AGPAT3: variants seen among roughly 807,000 people sequenced by gnomAD.
AGPAT3 encodes 1-acyl-sn-glycerol-3-phosphate acyltransferase gamma.
A neutral mutation model predicts 47.3 loss-of-function variants in AGPAT3; 5 were observed. The ratio of observed to expected loss-of-function variants is 0.11; its 90% CI spans 0.06 to 0.22. The LOEUF (loss-of-function observed/expected upper bound fraction) is 0.22. Ranked by LOEUF, AGPAT3 falls within the 10% of genes least tolerant of loss-of-function variation. The pLI is 1.00. For missense variants in AGPAT3, 315 were observed against 493.0 expected (o/e 0.64, Z 3.42); for synonymous variants, 212 against 208.3 (o/e 1.02, Z -0.15).
chr21:43,978,239 G>A, intron 8 of AGPAT3, 118 bp downstream of exon 8: 1 of 667,838 alleles, frequency 1.5e-6, no homozygotes. Flanking sequence ...TGCCACCCAG[G>A]TCCTAAATAC....
chr21:43,869,986 G>A (rs991254436), intron 1 of AGPAT3, among the ~76,000 whole-genome samples: 2 of 152,250 alleles, frequency 1.3e-5, no homozygotes, highest in African/African-American at 2.4e-5. Flanking sequence ...GACTACAGGT[G>A]CTGCCACCAC....
intron 2 of AGPAT3, among the ~76,000 whole-genome samples, chr21:43,956,834 C>T (rs1434441931): frequency 6.6e-6 from 1 of 152,210 alleles, no homozygotes; most frequent in Non-Finnish European, 1.5e-5. Flanking sequence ...GTGATGTGGC[C>T]ATCCTGGGAG....
chr21:43,902,503 C>T (rs1296247308), intron 1 of AGPAT3, among the ~76,000 whole-genome samples: 9 of 152,188 alleles, frequency 5.9e-5, no homozygotes, highest in African/African-American at 1.7e-4. Flanking sequence ...GCTGGAAGTC[C>T]GAGCTCAAGG....
rs1426045410 is a variant in AGPAT3 at position 43,985,396 on chromosome 21, G to T, written c.*3004G>T. On this transcript the variant is annotated 3_prime_UTR_variant, in exon 10 of 10. Transcript: ENST00000291572. ...AACAATGTAAGCAGCACTTTCTTGT[G>T]TAAAAAAAAAAAAAAAGCACGTCCT... 17 of 266,768 alleles carry T rather than the reference G, an allele frequency of 6.4e-5. No homozygotes were observed. Among genetic ancestry groups the T allele is most frequent in the South Asian group, 1.3e-4 (4 of 29,962 alleles). 16.5% of individuals were successfully genotyped at this position (266,768 alleles called of 1,614,324 possible). A position where few individuals can be genotyped will look rare whatever the true frequency, so the allele number is the denominator to read the frequency against.
intron 2 of AGPAT3, among the ~76,000 whole-genome samples, chr21:43,959,258 G>GTGTGTGTGGCA (rs1056877208): frequency 7.4e-6 from 1 of 134,848 alleles, no homozygotes; most frequent in South Asian, 2.4e-4. Flanking sequence ...GTGGTTTGCG[G>GTGTGTGTGGCA]TGTGTGTGGC....
At chr21:43,905,976 C>G (rs886476544) in intron 2 of AGPAT3, among the ~76,000 whole-genome samples, 2 of 152,186 alleles carry the variant, frequency 1.3e-5, no homozygotes, top group Admixed American at 1.3e-4. Context: ...AGAAACCGGC[C>G]AAGGCGCGTC....
intron 1 of AGPAT3, among the ~76,000 whole-genome samples, chr21:43,895,131 G>A (rs2086185897): frequency 6.6e-6 from 1 of 150,976 alleles, no homozygotes; most frequent in African/African-American, 2.4e-5. Flanking sequence ...TTGAGACAGA[G>A]TCTTGCTCTG....
intron 8 of AGPAT3, among the ~76,000 whole-genome samples, chr21:43,978,643 C>T (rs1357163807): frequency 6.6e-6 from 1 of 152,180 alleles, no homozygotes; most frequent in Non-Finnish European, 1.5e-5. Context: ...TAACAAACTA[C>T]AGACAAGTAT....
At chr21:43,912,072 G>C (rs1029455569) in intron 2 of AGPAT3, among the ~76,000 whole-genome samples, 7 of 152,262 alleles carry the variant, frequency 4.6e-5, no homozygotes, top group African/African-American at 1.4e-4. Context: ...GGAGCCTAGA[G>C]GTATCTTAGT....
chr21:43,870,836 G>C (rs887481985), intron 1 of AGPAT3, among the ~76,000 whole-genome samples: 1 of 152,194 alleles, frequency 6.6e-6, no homozygotes, highest in Non-Finnish European at 1.5e-5. Flanking sequence ...GGTCCAGCTA[G>C]GAAGGTAAGT....
rs2087317604 is a variant in AGPAT3 at position 43,933,218 on chromosome 21, A to G, written c.-48-26416A>G. Among the ~76,000 whole-genome samples, 1 of 152,110 alleles carries G rather than the reference A, an allele frequency of 6.6e-6. No homozygotes were observed. The highest frequency in any genetic ancestry group is 2.1e-4 in the South Asian group (1 of 4,824). On this transcript the variant is annotated intron_variant, in intron 2 of 9. Coordinates refer to ENST00000291572, the MANE Select transcript of AGPAT3 (RefSeq NM_020132.5). This position sits in a 1 kb window ranked among gnomAD's most constrained non-coding sequence, Gnocchi z 6.0. The stretch of plus-strand genomic sequence containing the variant: ...CTGTCGGTGTGGCTCCTTCTGAGGC[A>G]CAGCCGTTCGGGTCCTTTGCTGTTT...
intron 2 of AGPAT3, among the ~76,000 whole-genome samples, chr21:43,935,948 G>A (rs901978060): frequency 1.1e-4 from 17 of 152,188 alleles, no homozygotes; most frequent in African/African-American, 3.9e-4. Context: ...CCCTGATGGC[G>A]GCTCGAGTCG....
intron 2 of AGPAT3, among the ~76,000 whole-genome samples, chr21:43,927,480 G>A (rs2087095988): frequency 6.6e-6 from 1 of 152,170 alleles, no homozygotes; most frequent in South Asian, 2.1e-4. Flanking sequence ...AGTCCATTGA[G>A]ACCTGATTTT....
At chr21:43,897,212 G>A (rs1350770149) in intron 1 of AGPAT3, among the ~76,000 whole-genome samples, 9 of 151,800 alleles carry the variant, frequency 5.9e-5, no homozygotes, top group Admixed American at 5.9e-4. Context: ...ATCTTGCACC[G>A]CCCTTAATCC....
At chr21:43,899,425 A>G (rs1308736403) in intron 1 of AGPAT3, among the ~76,000 whole-genome samples, 1 of 152,190 alleles carries the variant, frequency 6.6e-6, no homozygotes, top group Non-Finnish European at 1.5e-5. Context: ...AGAAAGGACG[A>G]CCACAGGAAG....
In AGPAT3 at chr21:43,952,871, A is replaced by G. The variant is rs1306583951; in HGVS notation, c.-48-6763A>G. On this transcript the variant is annotated intron_variant, in intron 2 of 9. Transcript: ENST00000291572. This position sits in a 1 kb window ranked among gnomAD's most constrained non-coding sequence, Gnocchi z 5.6. ...CCAGAGGTCCCACCCCTGAGGTCCCACCCTGTGTGGCTCTTCTATCCCAGG... is the reference window on the plus strand; with the variant it reads ...CCAGAGGTCCCACCCCTGAGGTCCCGCCCTGTGTGGCTCTTCTATCCCAGG... Among the ~76,000 whole-genome samples the G allele has an allele frequency of 2.0e-5, 3 of 151,736 alleles. No individual in the cohort carries two copies. The highest frequency in any genetic ancestry group is 7.3e-5 in the African/African-American group (3 of 41,286).
chr21:43,906,845 C>A (rs939238100), intron 2 of AGPAT3, among the ~76,000 whole-genome samples: 1 of 152,120 alleles, frequency 6.6e-6, no homozygotes. Flanking sequence ...TCCGCCTGGG[C>A]GAGCCGACAC....
chr21:43,971,840 G>A (rs942393076), intron 7 of AGPAT3, among the ~76,000 whole-genome samples: 3 of 152,356 alleles, frequency 2.0e-5, no homozygotes, highest in South Asian at 2.1e-4. Context: ...GGAAGCCCCT[G>A]TAGTTCCCTC....
intron 2 of AGPAT3, among the ~76,000 whole-genome samples, chr21:43,956,782 AG>A (rs889006554): frequency 1.3e-5 from 2 of 152,208 alleles, no homozygotes; most frequent in Non-Finnish European, 2.9e-5. Context: ...GTAGGAGGTC[AG>A]CCCCTTCCGC....
Sources: allele counts gnomAD v4.1 joint callset (sites outside exome capture counted in the v4.1 genomes callset), GRCh38; gene constraint gnomAD v4.1.1; non-coding constraint Gnocchi (gnomAD v3.1); transcripts MANE v1.5; gene names NCBI Gene and HGNC (gene_info 2026-07-23, HGNC 2026-07-21).